MITF: variants seen among roughly 807,000 people sequenced by gnomAD.
The protein encoded by MITF is microphthalmia-associated transcription factor.
In MITF, 17 loss-of-function variants were observed where a neutral mutation model predicts 60.5. The ratio of observed to expected loss-of-function variants is 0.28; its 90% CI spans 0.19 to 0.42. The LOEUF (loss-of-function observed/expected upper bound fraction) is 0.42, where lower values mean the gene tolerates loss of function less well. Among genes scored for constraint, MITF ranks in the 10% least tolerant of loss-of-function variants. MITF has a pLI of 1.00. For missense variants in MITF, 622 were observed against 683.5 expected (o/e 0.91, Z 1.00); for synonymous variants, 260 against 248.5 (o/e 1.05, Z -0.43).
chr3:69,822,903 G>GTTT (rs201176630), intron 1 of MITF, among the ~76,000 whole-genome samples: 2 of 144,156 alleles, frequency 1.4e-5, no homozygotes, highest in Non-Finnish European at 1.5e-5. Flanking sequence ...TTTGGTGTTT[G>GTTT]TTTTTTTTTT....
intron 1 of MITF, among the ~76,000 whole-genome samples, chr3:69,865,796 G>C (rs2064102368): frequency 6.6e-6 from 1 of 152,182 alleles, no homozygotes; most frequent in African/African-American, 2.4e-5. Context: ...ACCTAGAGTT[G>C]TGTGATGAGT....
chr3:69,785,768 C>G (rs2062638821), intron 1 of MITF, among the ~76,000 whole-genome samples: 1 of 152,106 alleles, frequency 6.6e-6, no homozygotes. Flanking sequence ...GGCCTTTTGC[C>G]TGAGACCATG....
intron 1 of MITF, among the ~76,000 whole-genome samples, chr3:69,860,886 A>G (rs1459788985): frequency 6.6e-6 from 1 of 152,194 alleles, no homozygotes; most frequent in African/African-American, 2.4e-5. Context: ...AGGATGCTGT[A>G]ATATCACTGT....
intron 1 of MITF, among the ~76,000 whole-genome samples, chr3:69,767,829 G>A (rs1374734375): frequency 2.0e-5 from 3 of 152,102 alleles, no homozygotes; most frequent in Admixed American, 1.3e-4. Flanking sequence ...ACAGAGGCCA[G>A]TTAGGATGGT....
intron 2 of MITF, among the ~76,000 whole-genome samples, chr3:69,913,555 G>A (rs2065268059): frequency 6.6e-6 from 1 of 152,198 alleles, no homozygotes; most frequent in Admixed American, 6.5e-5. Context: ...GAGTTTGCAT[G>A]AAGGTGACTC....
rs898378375 is a variant in MITF at position 69,739,497 on chromosome 3, G to C, written c.-101G>C. On this transcript the variant is annotated 5_prime_UTR_variant, in exon 1 of 10. Coordinates refer to ENST00000352241, the MANE Select transcript of MITF (RefSeq NM_001354604.2). ...GCGAGCGGGCAGAGCTCGGCACTGC[G>C]CCGGGGCGCACGGCTCGGGGGACCC... The C allele has an allele frequency of 7.8e-6, 9 of 1,147,006 alleles. No homozygotes were observed. The Admixed American group carries it at 8.0e-5, about 10-fold the overall frequency. 71.1% of individuals were successfully genotyped at this position (1,147,006 alleles called of 1,614,324 possible).
intron 2 of MITF, among the ~76,000 whole-genome samples, chr3:69,902,939 A>G (rs977184861): frequency 1.3e-5 from 2 of 152,140 alleles, no homozygotes; most frequent in Non-Finnish European, 2.9e-5. Context: ...TGTTTTATAA[A>G]AATATACAGT....
At chr3:69,814,206 A>G (rs1433755692) in intron 1 of MITF, among the ~76,000 whole-genome samples, 2 of 152,072 alleles carry the variant, frequency 1.3e-5, no homozygotes, top group South Asian at 2.1e-4. Context: ...TTCTCCATAT[A>G]CTTTTGGCCA....
At chr3:69,874,102 T>C (rs2064298725) in intron 1 of MITF, among the ~76,000 whole-genome samples, 1 of 152,216 alleles carries the variant, frequency 6.6e-6, no homozygotes, top group African/African-American at 2.4e-5. Flanking sequence ...CTGTGCCTCC[T>C]GGACATAAAT....
chr3:69,827,180 C>A (rs1440187698), intron 1 of MITF, among the ~76,000 whole-genome samples: 4 of 152,202 alleles, frequency 2.6e-5, no homozygotes, highest in African/African-American at 9.7e-5. Flanking sequence ...ACCACCACTG[C>A]CAGTTGAGTT....
intron 1 of MITF, among the ~76,000 whole-genome samples, chr3:69,873,745 G>A (rs377201419): frequency 1.3e-5 from 2 of 152,162 alleles, no homozygotes; most frequent in African/African-American, 4.8e-5. Context: ...AAGAATTAGA[G>A]GTATGGGTTC....
At chr3:69,914,513 T>C (rs894434556) in intron 2 of MITF, among the ~76,000 whole-genome samples, 4 of 152,240 alleles carry the variant, frequency 2.6e-5, no homozygotes, top group African/African-American at 9.6e-5. Flanking sequence ...GAGATGAACC[T>C]GCCACTTCAT....
intron 1 of MITF, among the ~76,000 whole-genome samples, chr3:69,825,847 C>G (rs13320443): frequency 0.5 from 76,305 of 151,966 alleles, 20,856 homozygotes; most frequent in Non-Finnish European, 0.63. Flanking sequence ...CAAAACAGAT[C>G]TGATTCCTAG....
In MITF at chr3:69,937,817, T is replaced by G; in HGVS notation, c.355-5T>G. 1 of 1,613,478 alleles carries G rather than the reference T, an allele frequency of 6.2e-7. No homozygotes were observed. Among genetic ancestry groups the G allele is most frequent in the Non-Finnish European group, 8.5e-7 (1 of 1,179,540 alleles). On this transcript the variant is annotated splice_region_variant and splice_polypyrimidine_tract_variant and intron_variant, in intron 2 of 9. Transcript: ENST00000352241. ...GTTTTCTTTTCCCTCCATGGCTATG[T>G]TCAGGTGCAGACCCACCTCGAAAAC...
At chr3:69,911,296 A>G (rs1010266317) in intron 2 of MITF, among the ~76,000 whole-genome samples, 12 of 152,084 alleles carry the variant, frequency 7.9e-5, no homozygotes, top group Non-Finnish European at 1.5e-4. Flanking sequence ...GTATGTCTTT[A>G]TCAGCAGCAT....
intron 5 of MITF, among the ~76,000 whole-genome samples, chr3:69,944,331 G>A (rs1292760185): frequency 1.3e-5 from 2 of 152,096 alleles, no homozygotes; most frequent in African/African-American, 4.8e-5. Context: ...CTAGAAGGGG[G>A]AGACTCTTTT....
chr3:69,870,284 G>A (rs2064201817), intron 1 of MITF, among the ~76,000 whole-genome samples: 1 of 145,762 alleles, frequency 6.9e-6, no homozygotes, highest in African/African-American at 2.7e-5. Context: ...ACACACACGT[G>A]TGTGTGTTTA....
chr3:69,861,109 A>G (rs931519163), intron 1 of MITF, among the ~76,000 whole-genome samples: 1 of 152,240 alleles, frequency 6.6e-6, no homozygotes, highest in Non-Finnish European at 1.5e-5. Flanking sequence ...AGTTGTGCTC[A>G]GCCACTAAAA....
At chr3:69,923,050 G>C (rs1369892672) in intron 2 of MITF, among the ~76,000 whole-genome samples, 1 of 152,154 alleles carries the variant, frequency 6.6e-6, no homozygotes, top group Non-Finnish European at 1.5e-5. Flanking sequence ...AAATTCTCAG[G>C]AGAAGCCTTA....
Sources: gnomAD v4.1 joint callset for allele counts (sites outside exome capture counted in the v4.1 genomes callset) on GRCh38, gnomAD v4.1.1 for gene constraint, MANE v1.5 for transcripts, NCBI Gene and HGNC (gene_info 2026-07-23, HGNC 2026-07-21) for gene names.